The following SLC22A25 variants were observed in gnomAD, a reference collection of about 807,000 sequenced individuals.
SLC22A25 encodes solute carrier family 22 member 25.
A neutral mutation model predicts 45.9 loss-of-function variants in SLC22A25; 44 were observed. That is an observed-to-expected ratio of 0.96 (90% CI 0.75 to 1.23). The LOEUF (loss-of-function observed/expected upper bound fraction) is 1.23, where lower values mean the gene tolerates loss of function less well. Ranked by LOEUF, SLC22A25 falls within the 50% of genes most tolerant of loss-of-function variation. The probability of loss-of-function intolerance (pLI) is 0.00; values close to 1 mark genes in which losing one functional copy is unlikely to be tolerated. For missense variants in SLC22A25, 800 were observed against 666.4 expected (o/e 1.20, Z -2.21); for synonymous variants, 283 against 238.6 (o/e 1.19, Z -1.72).
chr11:63,178,133 C>A (rs1297419275), intron 9 of SLC22A25, among the ~76,000 whole-genome samples: 2 of 151,830 alleles, frequency 1.3e-5, no homozygotes, highest in African/African-American at 4.8e-5. Flanking sequence ...TCAAGCAATC[C>A]ATCCACCTTG....
intron 7 of SLC22A25, among the ~76,000 whole-genome samples, chr11:63,213,550 T>C (rs965368273): frequency 1.3e-5 from 2 of 152,218 alleles, no homozygotes; most frequent in Non-Finnish European, 2.9e-5. Context: ...CCACACGCTG[T>C]AGTCACCTTA....
chr11:63,162,897 G>C lies in SLC22A25; in HGVS notation c.*927C>G, dbSNP rs1354227227. ...GCTGTTTAATCAGCAATCAGCACCTGGAATTCCTTAAAATTGTGTCACTTT... is the reference window on the plus strand; with the variant it reads ...GCTGTTTAATCAGCAATCAGCACCTCGAATTCCTTAAAATTGTGTCACTTT... On this transcript the variant is annotated 3_prime_UTR_variant, in exon 12 of 12. Coordinates refer to ENST00000306494, the MANE Select transcript of SLC22A25 (RefSeq NM_199352.6). Among the ~76,000 whole-genome samples the C allele has an allele frequency of 6.6e-6, 1 of 152,036 alleles. No homozygotes were observed. The highest frequency in any genetic ancestry group is 1.5e-5 in the Non-Finnish European group (1 of 68,012).
chr11:63,170,577 A>C (rs1010075415), intron 9 of SLC22A25, among the ~76,000 whole-genome samples: 3 of 152,180 alleles, frequency 2.0e-5, no homozygotes, highest in African/African-American at 7.2e-5. Flanking sequence ...GAAATGGATA[A>C]ATTCCTGGAC....
chr11:63,227,721 C>A (rs1014181633), intron 5 of SLC22A25, among the ~76,000 whole-genome samples: 20 of 152,180 alleles, frequency 1.3e-4, no homozygotes, highest in African/African-American at 4.8e-4. Context: ...GTAGAACTTG[C>A]CTAGAAGTTG....
At chr11:63,211,148 C>T (rs890555317) in intron 7 of SLC22A25, among the ~76,000 whole-genome samples, 1 of 152,116 alleles carries the variant, frequency 6.6e-6, no homozygotes, top group African/African-American at 2.4e-5. Context: ...GCAAACAGAC[C>T]CCTGGGTGGT....
At chr11:63,182,686 T>G (rs1490671162) in intron 8 of SLC22A25, among the ~76,000 whole-genome samples, 1 of 152,056 alleles carries the variant, frequency 6.6e-6, no homozygotes, top group Non-Finnish European at 1.5e-5. Context: ...CCACCTTCTG[T>G]TGAACGTTAA....
intron 8 of SLC22A25, among the ~76,000 whole-genome samples, chr11:63,181,556 T>C (rs1034160821): frequency 2.0e-5 from 3 of 151,976 alleles, no homozygotes; most frequent in African/African-American, 2.4e-5. Flanking sequence ...CTAACCCTTA[T>C]GTTTCTGTGA....
Position 63,183,674 on chromosome 11 carries a change from C to T in SLC22A25, c.954+20G>A. ...TTTATGTCTTCCCAGCATCCCATAT[C>T]CAGCTCCCGTCTTGCTTACCTCCAT... On this transcript the variant is annotated intron_variant, in intron 8 of 11. Transcript: ENST00000306494. 1 of 1,612,264 alleles carries T rather than the reference C, an allele frequency of 6.2e-7. No homozygotes were observed. The highest frequency in any genetic ancestry group is 8.5e-7 in the Non-Finnish European group (1 of 1,178,778).
intron 1 of SLC22A25, among the ~76,000 whole-genome samples, chr11:63,239,979 TTA>T (rs2090221979): frequency 6.6e-6 from 1 of 152,172 alleles, no homozygotes; most frequent in South Asian, 2.1e-4. Flanking sequence ...AAATGCATTA[TTA>T]TGTGATTTTG....
intron 9 of SLC22A25, among the ~76,000 whole-genome samples, chr11:63,173,066 CA>C (rs1385921935): frequency 6.6e-6 from 1 of 152,036 alleles, no homozygotes; most frequent in African/African-American, 2.4e-5. Context: ...CTGTCCCTAA[CA>C]GGGACATGGA....
At chr11:63,174,979 C>T (rs1209689288) in intron 9 of SLC22A25, among the ~76,000 whole-genome samples, 1 of 152,084 alleles carries the variant, frequency 6.6e-6, no homozygotes, top group Non-Finnish European at 1.5e-5. Context: ...CCATGGCTGA[C>T]TAATATTCCA....
chr11:63,195,850 C>T (rs1477837761), intron 7 of SLC22A25, among the ~76,000 whole-genome samples: 7 of 151,956 alleles, frequency 4.6e-5, no homozygotes, highest in African/African-American at 1.7e-4. Context: ...ATAGATAGAC[C>T]ACTAGCAGGA....
intron 1 of SLC22A25, among the ~76,000 whole-genome samples, chr11:63,242,377 G>C (rs1001695979): frequency 6.6e-6 from 1 of 152,198 alleles, no homozygotes; most frequent in Non-Finnish European, 1.5e-5. Flanking sequence ...AGGGGCACTC[G>C]ATATTTGCCC....
At position 63,194,890 on chromosome 11, in the gene SLC22A25, C is replaced by CAAAAAAAAAAAAAAAAAAAAAAAAAAAAA. The variant is rs796301840; in HGVS notation, c.831-11102_831-11074dup. On this transcript the variant is annotated intron_variant, in intron 7 of 11. Coordinates refer to ENST00000306494, the MANE Select transcript of SLC22A25 (RefSeq NM_199352.6). ...GAAAATCTACCAAGCAAATGGAAAG[C>CAAAAAAAAAAAAAAAAAAAAAAAAAAAAA]AAAAAAAAAAAAAAAAAAAAAAAAA... is the stretch of plus-strand genomic sequence containing the variant. Among the ~76,000 whole-genome samples the CAAAAAAAAAAAAAAAAAAAAAAAAAAAAA allele has an allele frequency of 1.2e-4, 4 of 34,626 alleles. 1 individual carries two copies. The highest frequency in any genetic ancestry group is 8.0e-5 in the African/African-American group (1 of 12,540). The allele number at this position is 34,626 out of a possible 152,430, so 22.7% of individuals were successfully genotyped here.
At chr11:63,188,936 T>A (rs1194238214) in intron 7 of SLC22A25, among the ~76,000 whole-genome samples, 1 of 152,196 alleles carries the variant, frequency 6.6e-6, no homozygotes, top group African/African-American at 2.4e-5. Context: ...TCTGTTCTTT[T>A]ACATTTGCTG....
intron 9 of SLC22A25, among the ~76,000 whole-genome samples, chr11:63,173,184 CAG>C (rs2087952126): frequency 7.7e-6 from 1 of 129,788 alleles, no homozygotes; most frequent in Admixed American, 1.0e-4. Flanking sequence ...CACATGGACA[CAG>C]GGAGGGAGAC....
At chr11:63,210,356 C>A (rs1033999079) in intron 7 of SLC22A25, among the ~76,000 whole-genome samples, 2 of 152,096 alleles carry the variant, frequency 1.3e-5, no homozygotes, top group Non-Finnish European at 2.9e-5. Flanking sequence ...AGAAATTAAC[C>A]CTGGATTTGC....
chr11:63,183,352 T>C (rs1291729631), intron 8 of SLC22A25, among the ~76,000 whole-genome samples: 1 of 152,130 alleles, frequency 6.6e-6, no homozygotes, highest in Non-Finnish European at 1.5e-5. Context: ...TCTGTCCTTA[T>C]TACCCTGAAA....
In SLC22A25 at chr11:63,238,831, C is replaced by T; in HGVS notation, c.-691G>A. 1 of 252,396 alleles carries T rather than the reference C, an allele frequency of 4.0e-6. No homozygotes were observed. Among genetic ancestry groups the T allele is most frequent in the South Asian group, 7.2e-5 (1 of 13,964 alleles). The allele number at this position is 252,396 out of a possible 1,614,324, so 15.6% of individuals were successfully genotyped here. A position where few individuals can be genotyped will look rare whatever the true frequency, so the allele number is the denominator to read the frequency against. On this transcript the variant is annotated 5_prime_UTR_variant, in exon 2 of 12. Coordinates refer to ENST00000306494, the MANE Select transcript of SLC22A25 (RefSeq NM_199352.6). ...TGTCCCATTCAGGTGAAGGAGCTGC[C>T]ACTGGGGATGGATGAAGTGACAACG...
Sources: allele counts gnomAD v4.1 joint callset (sites outside exome capture counted in the v4.1 genomes callset), GRCh38; gene constraint gnomAD v4.1.1; transcripts MANE v1.5; gene names NCBI Gene and HGNC (gene_info 2026-07-23, HGNC 2026-07-21).